Variants in CDH13 observed in about 807,000 individuals in gnomAD.
CDH13 encodes cadherin 13.
CDH13 carries 24 observed loss-of-function variants against 63.8 expected under a neutral mutation model. That is an observed-to-expected ratio of 0.38 (90% CI 0.27 to 0.53). The LOEUF is 0.53. Ranked by LOEUF, CDH13 falls within the 20% of genes least tolerant of loss-of-function variation. CDH13 has a pLI of 0.85. For missense variants in CDH13, 1,049 were observed against 903.1 expected (o/e 1.16, Z -2.07); for synonymous variants, 503 against 355.3 (o/e 1.42, Z -4.67).
chr16:82,677,348 C>T (rs922889764), intron 1 of CDH13, among the ~76,000 whole-genome samples: 1 of 152,014 alleles, frequency 6.6e-6, no homozygotes, highest in Non-Finnish European at 1.5e-5. Context: ...TCTTCCTAGC[C>T]CAGGTGTTTA....
intron 6 of CDH13, among the ~76,000 whole-genome samples, chr16:83,352,084 G>T (rs2090962529): frequency 6.6e-6 from 1 of 152,178 alleles, no homozygotes; most frequent in Non-Finnish European, 1.5e-5. Context: ...AAGAAGTGCT[G>T]CCCAGGGATG....
At chr16:83,636,946 G>T (rs1911317526) in intron 8 of CDH13, among the ~76,000 whole-genome samples, 2 of 152,112 alleles carry the variant, frequency 1.3e-5, no homozygotes, top group South Asian at 4.1e-4. Context: ...TTGAACAAAA[G>T]CCATTCCAAC....
intron 2 of CDH13, among the ~76,000 whole-genome samples, chr16:82,986,300 G>T (rs1451736787): frequency 6.6e-6 from 1 of 152,136 alleles, no homozygotes; most frequent in African/African-American, 2.4e-5. Context: ...CTCATGTGGA[G>T]GTCAGTGACA....
intron 1 of CDH13, among the ~76,000 whole-genome samples, chr16:82,678,696 C>A (rs570051981): frequency 6.6e-6 from 1 of 152,240 alleles, no homozygotes; most frequent in South Asian, 2.1e-4. Flanking sequence ...ATGGCTGGCC[C>A]TTGAAGAGTA....
At chr16:83,580,654 C>A (rs1409462125) in intron 7 of CDH13, among the ~76,000 whole-genome samples, 2 of 151,946 alleles carry the variant, frequency 1.3e-5, no homozygotes, top group African/African-American at 4.8e-5. Flanking sequence ...GCTACCATGC[C>A]CTGGCTTATT....
At position 82,859,834 on chromosome 16, in the gene CDH13, A is replaced by C. The variant is rs1008410683; in HGVS notation, c.157+1361A>C. On this transcript the variant is annotated intron_variant, in intron 2 of 13. Coordinates refer to ENST00000567109, the MANE Select transcript of CDH13 (RefSeq NM_001257.5). ...CAATAATGAAGATGCACTGTTGAGC[A>C]TCAAGGGAGCTGTCCAAGGTGAAGC... 2.6e-5 allele frequency: 4 copies of C among 152,294 alleles called. No individual in the cohort carries two copies. In the East Asian group the frequency reaches 5.8e-4, roughly 22 times the overall value. The allele number at this position is 152,294 out of a possible 1,614,324, so 9.4% of individuals were successfully genotyped here. A position where few individuals can be genotyped will look rare whatever the true frequency, so the allele number is the denominator to read the frequency against.
intron 11 of CDH13, among the ~76,000 whole-genome samples, chr16:83,750,226 G>A (rs577615170): frequency 1.3e-5 from 2 of 152,220 alleles, no homozygotes; most frequent in East Asian, 1.9e-4. Context: ...AACCTAGGAG[G>A]CAGAGGTTGC....
chr16:82,923,097 T>C (rs1008648), intron 2 of CDH13, among the ~76,000 whole-genome samples: 55,675 of 152,110 alleles, frequency 0.37, 11,470 homozygotes, highest in Non-Finnish European at 0.47. Flanking sequence ...ACACATGTTT[T>C]AGGAAAAATG....
At chr16:82,867,308 C>G (rs1471505131) in intron 2 of CDH13, among the ~76,000 whole-genome samples, 2 of 152,124 alleles carry the variant, frequency 1.3e-5, no homozygotes, top group Admixed American at 6.5e-5. Flanking sequence ...GGTGATACAT[C>G]AAGGAAATTT....
At chr16:83,317,666 G>A (rs1420431653) in intron 5 of CDH13, among the ~76,000 whole-genome samples, 1 of 152,086 alleles carries the variant, frequency 6.6e-6, no homozygotes, top group Admixed American at 6.5e-5. Context: ...CAAGCATGGT[G>A]GCATGCACCT....
At chr16:83,377,175 G>A (rs1026911555) in intron 6 of CDH13, among the ~76,000 whole-genome samples, 8 of 152,132 alleles carry the variant, frequency 5.3e-5, no homozygotes, top group African/African-American at 1.9e-4. Flanking sequence ...GTGACAAAAT[G>A]TTTAGATGTT....
intron 8 of CDH13, among the ~76,000 whole-genome samples, chr16:83,651,857 A>G (rs1379528312): frequency 2.0e-5 from 3 of 151,966 alleles, no homozygotes; most frequent in African/African-American, 7.2e-5. Context: ...AGCCTCCCAA[A>G]GTGCTGGAAT....
chr16:83,659,983 C>T lies in CDH13; in HGVS notation c.1102-10807C>T, dbSNP rs573061755. Reference sequence around the variant, plus strand: ...TGTATTTTTTGTAGAGACGGGATTTCGCCATATTAGTCAGGCTGGCCTCGA... The same window carrying T: ...TGTATTTTTTGTAGAGACGGGATTTTGCCATATTAGTCAGGCTGGCCTCGA... On this transcript the variant is annotated intron_variant, in intron 8 of 13. Coordinates refer to ENST00000567109, the MANE Select transcript of CDH13 (RefSeq NM_001257.5). Among the ~76,000 whole-genome samples, 64 of 152,022 alleles carry T rather than the reference C, an allele frequency of 4.2e-4. No homozygotes were observed. The East Asian group carries it at 5.0e-3, about 12-fold the overall frequency.
At chr16:83,428,068 C>G (rs1302351160) in intron 6 of CDH13, among the ~76,000 whole-genome samples, 1 of 152,138 alleles carries the variant, frequency 6.6e-6, no homozygotes, top group Admixed American at 6.5e-5. Flanking sequence ...GCAGATGACA[C>G]AGAGAGGGTC....
chr16:83,228,135 T>C (rs935028058), intron 5 of CDH13, among the ~76,000 whole-genome samples: 2 of 152,218 alleles, frequency 1.3e-5, no homozygotes, highest in African/African-American at 2.4e-5. Flanking sequence ...TTATCTCTCA[T>C]GTACCCCTGA....
chr16:83,482,961 G>A (rs1356554475), intron 6 of CDH13, among the ~76,000 whole-genome samples: 1 of 152,194 alleles, frequency 6.6e-6, no homozygotes, highest in Non-Finnish European at 1.5e-5. Flanking sequence ...CCAGGACAGA[G>A]TTGGATAATG....
chr16:83,116,956 T>C (rs1020151223), intron 3 of CDH13, among the ~76,000 whole-genome samples: 3 of 152,152 alleles, frequency 2.0e-5, no homozygotes, highest in Non-Finnish European at 4.4e-5. Flanking sequence ...CACATGCAGC[T>C]TCTCATTTCG....
chr16:83,439,874 G>T (rs1358358770), intron 6 of CDH13, among the ~76,000 whole-genome samples: 2 of 152,060 alleles, frequency 1.3e-5, no homozygotes, highest in African/African-American at 4.8e-5. Flanking sequence ...TCAATCCTTG[G>T]TGTCCTTTCT....
rs1034660240 is a variant in CDH13 at position 83,125,432 on chromosome 16, G to T, written c.414G>T (p.Arg138Ser). Residue 138 changes from arginine (R) to serine (S), a missense_variant, in exon 4 of 14, where the codon AGG becomes AGT. By Grantham distance (110) the Arg-to-Ser change is moderately radical. Coordinates refer to ENST00000567109, the MANE Select transcript of CDH13 (RefSeq NM_001257.5). ...CTTCTCCTGTCCCAAGACAAAAGAGGTCCATTGTGGTATCTCCCATTTTAA... is the reference window on the plus strand; with the variant it reads ...CTTCTCCTGTCCCAAGACAAAAGAGTTCCATTGTGGTATCTCCCATTTTAA... ...ARTSPVPRQK[R>S]SIVVSPILIP... The T allele has an allele frequency of 1.9e-6, 3 of 1,611,694 alleles. No homozygotes were observed. Among genetic ancestry groups the T allele is most frequent in the Non-Finnish European group, 2.5e-6 (3 of 1,177,966 alleles).
Sources: allele counts gnomAD v4.1 joint callset (sites outside exome capture counted in the v4.1 genomes callset), GRCh38; gene constraint gnomAD v4.1.1; transcripts MANE v1.5; gene names NCBI Gene and HGNC (gene_info 2026-07-23, HGNC 2026-07-21).